Variants in DPP10 observed in about 807,000 individuals in gnomAD.
DPP10 encodes inactive dipeptidyl peptidase 10.
Under a neutral mutation model 120.9 loss-of-function variants are expected in DPP10, and 33 were observed. The ratio of observed to expected loss-of-function variants is 0.27; its 90% CI spans 0.21 to 0.37. The LOEUF (loss-of-function observed/expected upper bound fraction) is 0.37, where lower values mean the gene tolerates loss of function less well. Among genes scored for constraint, DPP10 ranks in the 10% least tolerant of loss-of-function variants. DPP10 has a pLI of 1.00. For missense variants in DPP10, 816 were observed against 942.8 expected (o/e 0.87, Z 1.76); for synonymous variants, 337 against 326.1 (o/e 1.03, Z -0.36).
At chr2:114,538,790 C>T (rs1245676952) in intron 1 of DPP10, among the ~76,000 whole-genome samples, 1 of 152,182 alleles carries the variant, frequency 6.6e-6, no homozygotes, top group Non-Finnish European at 1.5e-5. Context: ...CCAAAGGACC[C>T]AGACTGAGAG....
intron 3 of DPP10, among the ~76,000 whole-genome samples, chr2:115,394,715 T>C (rs890058565): frequency 6.6e-6 from 1 of 152,164 alleles, no homozygotes; most frequent in Non-Finnish European, 1.5e-5. Flanking sequence ...CTTTTAAAAG[T>C]GTCTGTCATT....
intron 1 of DPP10, among the ~76,000 whole-genome samples, chr2:114,851,247 C>T (rs1429061334): frequency 6.6e-6 from 1 of 152,090 alleles, no homozygotes; most frequent in Non-Finnish European, 1.5e-5. Context: ...AATTATTACC[C>T]TGATTCTCAT....
chr2:114,997,465 T>C (rs903571254), intron 1 of DPP10, among the ~76,000 whole-genome samples: 5 of 151,196 alleles, frequency 3.3e-5, no homozygotes, highest in African/African-American at 1.2e-4. Context: ...GCACTCCAAC[T>C]TGAGTACAGA....
intron 1 of DPP10, among the ~76,000 whole-genome samples, chr2:115,022,653 T>C (rs943451067): frequency 6.6e-6 from 1 of 151,406 alleles, no homozygotes; most frequent in African/African-American, 2.4e-5. Flanking sequence ...AAAACAACCC[T>C]AAAATTCATA....
At chr2:114,854,014 A>G (rs1242810903) in intron 1 of DPP10, among the ~76,000 whole-genome samples, 2 of 152,174 alleles carry the variant, frequency 1.3e-5, no homozygotes, top group African/African-American at 4.8e-5. Context: ...TCTGGAAACT[A>G]CGTAAGATAA....
chr2:115,096,616 C>T (rs1174214767), intron 1 of DPP10, among the ~76,000 whole-genome samples: 2 of 152,040 alleles, frequency 1.3e-5, no homozygotes, highest in African/African-American at 4.8e-5. Flanking sequence ...TCCCAATAAA[C>T]CCCTCATAAT....
intron 1 of DPP10, among the ~76,000 whole-genome samples, chr2:115,208,408 A>C (rs1387016860): frequency 6.6e-6 from 1 of 151,844 alleles, no homozygotes; most frequent in Non-Finnish European, 1.5e-5. Flanking sequence ...TAACTTTATC[A>C]TTGAGCCTTA....
intron 19 of DPP10, among the ~76,000 whole-genome samples, chr2:115,798,120 A>G (rs1333868229): frequency 3.3e-5 from 5 of 151,946 alleles, no homozygotes; most frequent in Non-Finnish European, 5.9e-5. Flanking sequence ...CCTATTTAAA[A>G]CTTACATGTA....
At chr2:114,836,302 G>A (rs940918294) in intron 1 of DPP10, among the ~76,000 whole-genome samples, 4 of 152,020 alleles carry the variant, frequency 2.6e-5, no homozygotes, top group African/African-American at 4.8e-5. Flanking sequence ...ATTCACCCTC[G>A]ATATTTCATG....
intron 3 of DPP10, among the ~76,000 whole-genome samples, chr2:115,352,537 C>T (rs1333779756): frequency 6.6e-6 from 1 of 152,096 alleles, no homozygotes; most frequent in Non-Finnish European, 1.5e-5. Flanking sequence ...ATCTTTCCAT[C>T]TATATATCCA....
chr2:114,772,282 C>G (rs562150618), intron 1 of DPP10, among the ~76,000 whole-genome samples: 7 of 152,030 alleles, frequency 4.6e-5, no homozygotes, highest in Non-Finnish European at 1.0e-4. Context: ...CTCAGCCCAC[C>G]GAGTAGCTGG....
At chr2:115,622,733 A>G (rs2085051436) in intron 5 of DPP10, among the ~76,000 whole-genome samples, 1 of 151,150 alleles carries the variant, frequency 6.6e-6, no homozygotes, top group East Asian at 1.9e-4. Flanking sequence ...CTTTTTTAAT[A>G]TAGGCATTTC....
At chr2:115,349,013 T>C (rs950065893) in intron 3 of DPP10, among the ~76,000 whole-genome samples, 5 of 152,120 alleles carry the variant, frequency 3.3e-5, no homozygotes, top group Admixed American at 6.6e-5. Context: ...TAGGAGACTA[T>C]AAACGATGAG....
chr2:114,483,079 G>A (rs915483188), intron 1 of DPP10, among the ~76,000 whole-genome samples: 6 of 152,136 alleles, frequency 3.9e-5, no homozygotes, highest in Admixed American at 2.0e-4. Context: ...TTTAGTAAAC[G>A]TGACCCAGGA....
chr2:115,340,029 A>G (rs1368250914), intron 2 of DPP10, among the ~76,000 whole-genome samples: 1 of 152,336 alleles, frequency 6.6e-6, no homozygotes, highest in Non-Finnish European at 1.5e-5. Context: ...GTTACTTGTC[A>G]TTGAGAGAAA....
intron 5 of DPP10, among the ~76,000 whole-genome samples, chr2:115,583,079 A>G (rs1202893321): frequency 1.3e-5 from 2 of 152,200 alleles, no homozygotes; most frequent in Non-Finnish European, 2.9e-5. Flanking sequence ...AAATCCAACA[A>G]ACAAAGAGAA....
rs529381687 is a variant in DPP10 at position 115,340,218 on chromosome 2, T to C, written c.176-3599T>C. ...TTAATATGTAGAAAATAAAAACTCA[T>C]AATTGAAATGTTTAAGAAAATGTGA... On this transcript the variant is annotated intron_variant, in intron 2 of 25. Coordinates refer to ENST00000410059, the MANE Select transcript of DPP10 (RefSeq NM_020868.6). 3.3e-5 allele frequency among the ~76,000 whole-genome samples: 5 copies of C among 152,274 alleles called. No homozygotes were observed. In the South Asian group the frequency reaches 1.0e-3, roughly 32 times the overall value.
At chr2:114,494,155 A>T (rs1682286103) in intron 1 of DPP10, among the ~76,000 whole-genome samples, 1 of 149,904 alleles carries the variant, frequency 6.7e-6, no homozygotes, top group Non-Finnish European at 1.5e-5. Context: ...AGTAGTTAAA[A>T]GCTGATTTCT....
At chr2:114,662,007 CAA>C (rs1210054014) in intron 1 of DPP10, among the ~76,000 whole-genome samples, 2 of 130,690 alleles carry the variant, frequency 1.5e-5, no homozygotes, top group African/African-American at 2.8e-5. Context: ...ACTCCGTCTC[CAA>C]AAAAAAAAAA....
Sources: gnomAD v4.1 joint callset for allele counts (sites outside exome capture counted in the v4.1 genomes callset) on GRCh38, gnomAD v4.1.1 for gene constraint, MANE v1.5 for transcripts, NCBI Gene and HGNC (gene_info 2026-07-23, HGNC 2026-07-21) for gene names.